RPL34: variants seen among roughly 807,000 people sequenced by gnomAD.
RPL34 encodes the protein large ribosomal subunit protein eL34.
RPL34 carries 2 observed loss-of-function variants against 16.3 expected under a neutral mutation model. The ratio of observed to expected loss-of-function variants is 0.12; its 90% CI spans 0.05 to 0.39. The LOEUF is 0.39. Ranked by LOEUF, RPL34 falls within the 10% of genes least tolerant of loss-of-function variation. The pLI, the probability that RPL34 is intolerant of heterozygous loss-of-function variation, is 0.99. For synonymous variants in RPL34, 47 were observed against 48.5 expected (o/e 0.97, Z 0.13); for missense variants, 82 against 148.8 (o/e 0.55, Z 2.33).
At chr4:108,628,174 C>T (rs1726075805), downstream of RPL34, among the ~76,000 whole-genome samples, 1 of 152,168 alleles carries the variant, frequency 6.6e-6, no homozygotes, top group African/African-American at 2.4e-5. Context: ...AAACACCTGC[C>T]AATCCCAAAG....
chr4:108,628,628 G>A (rs1198073763), downstream of RPL34, among the ~76,000 whole-genome samples: 4 of 152,142 alleles, frequency 2.6e-5, no homozygotes, highest in Admixed American at 2.6e-4. Context: ...TCTAGCTGGT[G>A]GGAACTAGCA....
chr4:108,626,222 C>G (rs1216173617), downstream of RPL34, among the ~76,000 whole-genome samples: 4 of 152,164 alleles, frequency 2.6e-5, no homozygotes, highest in African/African-American at 9.7e-5. Context: ...GCAACCTCCA[C>G]CTCCTGGACT....
chr4:108,621,879 A>G (rs1253171221), intron 1 of RPL34, 72 bp from the exon 2 acceptor site: 3 of 988,330 alleles, frequency 3.0e-6, no homozygotes, highest in East Asian at 4.8e-5. Flanking sequence ...GAAATAGACC[A>G]CATGATACTG....
rs749690017 is a variant in RPL34 at position 108,622,038 on chromosome 4, A to C, written c.65+14A>C. The stretch of plus-strand genomic sequence containing the variant: ...CAAAACTAGGCTGTAAGTATTTCTG[A>C]AAATTTTAAGTATATATTGTCATTT... On this transcript the variant is annotated intron_variant, in intron 2 of 4. Transcript: ENST00000394667. The C allele has an allele frequency of 3.3e-5, 53 of 1,608,374 alleles. No homozygotes were observed. The highest frequency in any genetic ancestry group is 4.4e-5 in the Non-Finnish European group (52 of 1,175,024).
Position 108,622,214 on chromosome 4 carries a change from C to T in RPL34, c.165+10C>T, listed in dbSNP as rs1025199905. The T allele has an allele frequency of 1.9e-6, 3 of 1,576,906 alleles. No homozygotes were observed. Among genetic ancestry groups the T allele is most frequent in the Non-Finnish European group, 2.6e-6 (3 of 1,151,608 alleles). ...AGGCAGACTTCGAGGGGTAAGTGTA[C>T]CTTTTACTGTGTGCAGCCTAACAAG... On this transcript the variant is annotated intron_variant, in intron 3 of 4. Transcript: ENST00000394667.
At chr4:108,629,558 G>A (rs900350572), downstream of RPL34, among the ~76,000 whole-genome samples, 4 of 152,074 alleles carry the variant, frequency 2.6e-5, no homozygotes, top group Non-Finnish European at 4.4e-5. Flanking sequence ...TTTGATTTTT[G>A]TAAAAAACAA....
downstream of RPL34, chr4:108,630,462 T>C (rs918471093): frequency 2.6e-5 from 4 of 152,158 alleles, no homozygotes; most frequent in Non-Finnish European, 5.9e-5. Flanking sequence ...GGGAAAAGAA[T>C]TAAAAATCTT....
At chr4:108,622,670 T>C (rs765090563) in intron 4 of RPL34, 52 bp downstream of exon 4, 221 of 1,140,856 alleles carry the variant, frequency 1.9e-4, no homozygotes, top group Non-Finnish European at 2.7e-4. Flanking sequence ...GTGTGTGTTA[T>C]ACTGTCTGCT....
chr4:108,621,849 A>G (rs1725791533), intron 1 of RPL34, 102 bp from the exon 2 acceptor site: 4 of 772,506 alleles, frequency 5.2e-6, no homozygotes, highest in Middle Eastern at 7.2e-4. Context: ...GGTGTTACAT[A>G]CAAGGATATG....
In RPL34 at chr4:108,625,147, A is replaced by G; in HGVS notation, c.289A>G (p.Ile97Val). The part of the protein sequence containing the change: ...VRDRIKRAFL[I>V]EEQKIVVKVL... ...TTCTAGGATCAAGCGTGCTTTCCTT[A>G]TCGAGGAGCAGAAAATCGTTGTGAA... Residue 97 changes from isoleucine to valine, a missense_variant, in exon 5 of 5, where the codon ATC becomes GTC. Coordinates refer to ENST00000394667, the MANE Select transcript of RPL34 (RefSeq NM_001319236.2). 1 of 1,609,544 alleles carries G rather than the reference A, an allele frequency of 6.2e-7. No individual in the cohort carries two copies. Among genetic ancestry groups the G allele is most frequent in the South Asian group, 1.1e-5 (1 of 90,840 alleles).
In RPL34 at chr4:108,623,030, A is replaced by G. The variant is rs80146623; in HGVS notation, c.269+412A>G. 193 of 154,472 alleles carry G rather than the reference A, an allele frequency of 1.2e-3. 1 individual carries two copies. The East Asian group carries it at 0.021, about 17-fold the overall frequency. 9.6% of individuals were successfully genotyped at this position (154,472 alleles called of 1,614,324 possible). A position where few individuals can be genotyped will look rare whatever the true frequency, so the allele number is the denominator to read the frequency against. ...GGGTTGCAGGAGATGATGGACAACA[A>G]AGGTAGAAAAGCCAGATTATGGCCA... is the stretch of plus-strand genomic sequence containing the variant. On this transcript the variant is annotated intron_variant, in intron 4 of 4. Coordinates refer to ENST00000394667, the MANE Select transcript of RPL34 (RefSeq NM_001319236.2).
At position 108,621,920 on chromosome 4, in the gene RPL34, A is replaced by C. The variant is rs540826543; in HGVS notation, c.-9-31A>C. The C allele has an allele frequency of 1.6e-4, 229 of 1,422,670 alleles. 2 individuals are homozygous for C. Among genetic ancestry groups the C allele is most frequent in the Middle Eastern group, 4.8e-4 (2 of 4,156 alleles). 88.1% of individuals were successfully genotyped at this position (1,422,670 alleles called of 1,614,324 possible). A position where few individuals can be genotyped will look rare whatever the true frequency, so the allele number is the denominator to read the frequency against. The stretch of plus-strand genomic sequence containing the variant: ...AGATTTTATTTACTTTTACAATGGA[A>C]AGATTTGATGTTACTCTATTCTTAA... On this transcript the variant is annotated intron_variant, in intron 1 of 4. Transcript: ENST00000394667.
At position 108,622,183 on chromosome 4, in the gene RPL34, G is replaced by A; in HGVS notation, c.144G>A (p.Val48=). The A allele has an allele frequency of 6.2e-7, 1 of 1,611,418 alleles. No homozygotes were observed. Among genetic ancestry groups the A allele is most frequent in the South Asian group, 1.1e-5 (1 of 91,064 alleles). The change falls in exon 3 of 5, where the codon GTG becomes GTA. Residue 48 remains valine, a synonymous_variant. Coordinates refer to ENST00000394667, the MANE Select transcript of RPL34 (RefSeq NM_001319236.2). ...VGKAPKSACG[V]CPGRLRGVRA... The stretch of plus-strand genomic sequence containing the variant: ...AAGCACCAAAATCTGCATGTGGTGT[G>A]TGCCCAGGCAGACTTCGAGGGGTAA...
chr4:108,623,774 A>T (rs1578323396), intron 4 of RPL34, among the ~76,000 whole-genome samples: 1 of 152,220 alleles, frequency 6.6e-6, no homozygotes, highest in Non-Finnish European at 1.5e-5. Flanking sequence ...TAGGAGGTAG[A>T]TTGTAAGAGA....
intron 4 of RPL34, among the ~76,000 whole-genome samples, chr4:108,624,788 A>G (rs961286579): frequency 2.0e-5 from 3 of 152,180 alleles, no homozygotes; most frequent in Admixed American, 6.5e-5. Context: ...TTTCAAAAAT[A>G]TGGTTAAAAT....
chr4:108,621,067 C>T (rs1725746826), intron 1 of RPL34: 2 of 152,178 alleles, frequency 1.3e-5, no homozygotes, highest in Non-Finnish European at 1.5e-5. Context: ...TTCTGTCTTG[C>T]TTTTGGAGAT....
At chr4:108,620,800 C>G (rs1056138764) in intron 1 of RPL34, 200 bp downstream of exon 1, 1 of 153,190 alleles carries the variant, frequency 6.5e-6, no homozygotes, top group Non-Finnish European at 1.5e-5. Context: ...ACCTCCAAAG[C>G]CGTGAGTAGC....
downstream of RPL34, chr4:108,625,411 G>T: frequency 2.1e-6 from 1 of 473,540 alleles, no homozygotes; most frequent in South Asian, 2.7e-5. Context: ...TTGAGACGGA[G>T]TTTCTCTCTT....
chr4:108,627,761 A>C (rs924958625), downstream of RPL34, among the ~76,000 whole-genome samples: 1 of 151,912 alleles, frequency 6.6e-6, no homozygotes, highest in Non-Finnish European at 1.5e-5. Flanking sequence ...TATCAGGAGA[A>C]TGAGGCAGAA....
Sources: gnomAD v4.1 joint callset for allele counts (sites outside exome capture counted in the v4.1 genomes callset) on GRCh38, gnomAD v4.1.1 for gene constraint, MANE v1.5 for transcripts, NCBI Gene and HGNC (gene_info 2026-07-23, HGNC 2026-07-21) for gene names.